The following WFDC1 variants were observed in gnomAD, a reference collection of about 807,000 sequenced individuals.
WFDC1 encodes the protein WAP four-disulfide core domain protein 1.
WFDC1 carries 39 observed loss-of-function variants against 32.9 expected under a neutral mutation model. The ratio of observed to expected loss-of-function variants is 1.19; its 90% CI spans 0.92 to 1.55. The LOEUF (loss-of-function observed/expected upper bound fraction) is 1.55. WFDC1 is among the 40% of genes most tolerant of loss of function. The pLI, the probability that WFDC1 is intolerant of heterozygous loss-of-function variation, is 0.00. For missense variants in WFDC1, 386 were observed against 309.5 expected, an observed-to-expected ratio of 1.25 and a Z score of -1.85; for synonymous variants, 184 against 137.4, an observed-to-expected ratio of 1.34 and a Z score of -2.37.
chr16:84,324,495 C>T, intron 5 of WFDC1, 35 bp downstream of exon 5: 4 of 1,587,810 alleles, frequency 2.5e-6, no homozygotes, highest in South Asian at 1.1e-5. Context: ...TTCCAGAGGG[C>T]ACAAAAAAAA....
At chr16:84,300,529 C>T (rs565955933) in intron 1 of WFDC1, among the ~76,000 whole-genome samples, 2 of 152,248 alleles carry the variant, frequency 1.3e-5, no homozygotes, top group Non-Finnish European at 2.9e-5. Flanking sequence ...CTGTGTCCCC[C>T]CAAAGATATA....
intron 4 of WFDC1, among the ~76,000 whole-genome samples, chr16:84,320,825 T>G (rs760987609): frequency 3.3e-5 from 5 of 152,060 alleles, no homozygotes; most frequent in Admixed American, 2.0e-4. Flanking sequence ...GTGACCCTAT[T>G]TGCCGAAAGT....
intron 1 of WFDC1, 46 bp downstream of exon 1, chr16:84,295,161 A>G: frequency 6.2e-7 from 1 of 1,603,822 alleles, no homozygotes; most frequent in Middle Eastern, 1.7e-4. Context: ...TGTGGGTGGG[A>G]GTCAGCCTTG....
intron 1 of WFDC1, among the ~76,000 whole-genome samples, chr16:84,304,182 T>C (rs1173330844): frequency 6.6e-6 from 1 of 152,194 alleles, no homozygotes; most frequent in East Asian, 1.9e-4. Flanking sequence ...CCCACCTGCT[T>C]CCTAGGGATA....
intron 2 of WFDC1, chr16:84,317,218 G>C (rs1371855882): frequency 2.0e-5 from 3 of 151,924 alleles, no homozygotes; most frequent in Non-Finnish European, 4.4e-5. Flanking sequence ...GCCTGAACCT[G>C]GGAGGCAGAG....
intron 3 of WFDC1, chr16:84,318,601 A>T: frequency 2.3e-6 from 1 of 430,060 alleles, no homozygotes; most frequent in Non-Finnish European, 4.3e-6. Context: ...CTCCTCCTGG[A>T]TGGAGAATTG....
Position 84,294,916 on chromosome 16 carries a change from C to G in WFDC1, c.-56C>G. 6.3e-7 allele frequency: 1 copy of G among 1,577,344 alleles called. No homozygotes were observed. Among genetic ancestry groups the G allele is most frequent in the Non-Finnish European group, 8.6e-7 (1 of 1,161,776 alleles). ...TCCTGTCCCCACTCACAGGCCCACG[C>G]AGCGAGGGGGGCCCCTCTTCTGTGT... is the stretch of plus-strand genomic sequence containing the variant. On this transcript the variant is annotated 5_prime_UTR_variant, in exon 1 of 7. Transcript: ENST00000219454.
chr16:84,324,901 A>T (rs1054975023), intron 5 of WFDC1, among the ~76,000 whole-genome samples: 1 of 151,746 alleles, frequency 6.6e-6, no homozygotes, highest in South Asian at 2.1e-4. Context: ...CCATCCTCTC[A>T]TTCATCCATT....
chr16:84,314,132 G>C (rs1307796226), intron 2 of WFDC1, among the ~76,000 whole-genome samples: 1 of 152,214 alleles, frequency 6.6e-6, no homozygotes, highest in Non-Finnish European at 1.5e-5. Context: ...GCGCGGGGCT[G>C]GGAGCAGATA....
intron 1 of WFDC1, among the ~76,000 whole-genome samples, chr16:84,307,720 AC>A (rs1469769692): frequency 2.0e-5 from 3 of 152,174 alleles, no homozygotes; most frequent in African/African-American, 7.2e-5. Context: ...CCGACGACGT[AC>A]GGTGTATTCT....
chr16:84,324,429 C>A lies in WFDC1; in HGVS notation c.573C>A (p.Ile191=). The change falls in exon 5 of 7, where the codon ATC becomes ATA. Residue 191 remains isoleucine, a synonymous_variant. Coordinates refer to ENST00000219454, the MANE Select transcript of WFDC1 (RefSeq NM_021197.4). ...VKQRRQADGR[I]LRHKLYKEYP... ...TCACTTGTTTTCCAGATGGGCGAAT[C>A]CTACGACACAAACTTTACAAAGAAT... 1 of 1,613,798 alleles carries A rather than the reference C, an allele frequency of 6.2e-7. No individual in the cohort carries two copies. The highest frequency in any genetic ancestry group is 8.5e-7 in the Non-Finnish European group (1 of 1,179,946).
At chr16:84,303,616 C>T (rs1597665277) in intron 1 of WFDC1, among the ~76,000 whole-genome samples, 1 of 152,182 alleles carries the variant, frequency 6.6e-6, no homozygotes, top group East Asian at 1.9e-4. Flanking sequence ...ACACACAGCA[C>T]ACGTGTTTTC....
chr16:84,309,948 A>G (rs1907514328), intron 1 of WFDC1, among the ~76,000 whole-genome samples: 1 of 152,006 alleles, frequency 6.6e-6, no homozygotes, highest in Non-Finnish European at 1.5e-5. Flanking sequence ...CCACTGGAAA[A>G]TGCAGAATCA....
At chr16:84,309,837 G>A (rs772009007) in intron 1 of WFDC1, among the ~76,000 whole-genome samples, 14 of 131,452 alleles carry the variant, frequency 1.1e-4, no homozygotes, top group African/African-American at 3.5e-4. Context: ...GTGTGCGTGC[G>A]TGTGTACATG....
chr16:84,329,021 G>A (rs1419265839), intron 6 of WFDC1: 1 of 152,042 alleles, frequency 6.6e-6, no homozygotes, highest in Non-Finnish European at 1.5e-5. Context: ...CCAGCACTGT[G>A]GATTTAGTAA....
At position 84,319,528 on chromosome 16, in the gene WFDC1, T is replaced by G; in HGVS notation, c.519T>G (p.Gly173=). 3 of 1,613,044 alleles carry G rather than the reference T, an allele frequency of 1.9e-6. No homozygotes were observed. Among genetic ancestry groups the G allele is most frequent in the Non-Finnish European group, 2.5e-6 (3 of 1,179,940 alleles). ...HILSPGDVAE[G]IPNRGQCVKQ... ...TGAGCCCAGGTGACGTGGCCGAAGG[T>G]ATCCCCAACCGTGGGCAGTGCGTCA... Residue 173 remains glycine (G), a synonymous_variant, in exon 4 of 7, where the codon GGT becomes GGG. Coordinates refer to ENST00000219454, the MANE Select transcript of WFDC1 (RefSeq NM_021197.4).
chr16:84,305,575 G>T (rs1034245402), intron 1 of WFDC1, among the ~76,000 whole-genome samples: 4 of 152,176 alleles, frequency 2.6e-5, no homozygotes, highest in African/African-American at 9.7e-5. Context: ...CTAACCTAAC[G>T]CTATGGAGAT....
intron 1 of WFDC1, among the ~76,000 whole-genome samples, chr16:84,305,310 T>C (rs1907185864): frequency 6.6e-6 from 1 of 152,170 alleles, no homozygotes; most frequent in African/African-American, 2.4e-5. Context: ...GGGACAGCAG[T>C]GGTACCTACT....
chr16:84,317,266 C>T (rs1908008290), intron 2 of WFDC1: 2 of 151,628 alleles, frequency 1.3e-5, no homozygotes, highest in Admixed American at 6.6e-5. Flanking sequence ...ACCCTTCAGC[C>T]TGGGTGACAG....
Sources: gnomAD v4.1 joint callset for allele counts (sites outside exome capture counted in the v4.1 genomes callset) on GRCh38, gnomAD v4.1.1 for gene constraint, MANE v1.5 for transcripts, NCBI Gene and HGNC (gene_info 2026-07-23, HGNC 2026-07-21) for gene names.